The following RO60 variants were observed in gnomAD, a reference collection of about 807,000 sequenced individuals.
RO60 encodes Ro60, Y RNA binding protein.
Under a neutral mutation model 55.3 loss-of-function variants are expected in RO60, and 20 were observed. The ratio of observed to expected loss-of-function variants is 0.36; its 90% CI spans 0.25 to 0.53. RO60 has a LOEUF of 0.53. Ranked by LOEUF, RO60 falls within the 20% of genes least tolerant of loss-of-function variation. The pLI, the probability that RO60 is intolerant of heterozygous loss-of-function variation, is 0.92. For missense variants in RO60, 558 were observed against 646.6 expected, an observed-to-expected ratio of 0.86 and a Z score of 1.49; for synonymous variants, 213 against 213.6, an observed-to-expected ratio of 1.00 and a Z score of 0.02.
At position 193,085,582 on chromosome 1, in the gene RO60, G is replaced by GT. The variant is rs1207839034; in HGVS notation, c.*854dup. 1 of 984,150 alleles carries GT rather than the reference G, an allele frequency of 1.0e-6. No homozygotes were observed. The highest frequency in any genetic ancestry group is 1.2e-6 in the Non-Finnish European group (1 of 829,162). 61.0% of individuals were successfully genotyped at this position (984,150 alleles called of 1,614,324 possible). A position where few individuals can be genotyped will look rare whatever the true frequency, so the allele number is the denominator to read the frequency against. On this transcript the variant is annotated 3_prime_UTR_variant, in exon 9 of 9. Transcript: ENST00000400968. ...CTCTTAAGTGTAAATAATATAAAAT[G>GT]TTTCAAGCGCTTAACTCCCCCTCAT...
intron 1 of RO60, among the ~76,000 whole-genome samples, chr1:193,061,356 T>A (rs1407607583): frequency 6.6e-6 from 1 of 152,260 alleles, no homozygotes; most frequent in East Asian, 1.9e-4. Flanking sequence ...ACATTTGTCA[T>A]GCACTCTCAT....
intron 1 of RO60, among the ~76,000 whole-genome samples, chr1:193,063,721 C>T (rs1672934161): frequency 6.6e-6 from 1 of 152,156 alleles, no homozygotes; most frequent in Non-Finnish European, 1.5e-5. Flanking sequence ...GGACAAGGTC[C>T]CCACTAAGAA....
Position 193,076,002 on chromosome 1 carries a change from A to G in RO60, c.763A>G (p.Arg255Gly). ...IHLIEEHRLVREHLLTNHLKS... is the reference protein window; with the variant it reads ...IHLIEEHRLVGEHLLTNHLKS... ...TCTAATAGAAGAACATAGATTAGTT[A>G]GAGAACATCTTTTAACAAATCACTT... is the stretch of plus-strand genomic sequence containing the variant. Residue 255 changes from arginine to glycine, a missense_variant, in exon 3 of 9, where the codon AGA becomes GGA. Transcript: ENST00000400968. The G allele has an allele frequency of 1.2e-6, 2 of 1,611,394 alleles. No homozygotes were observed. The highest frequency in any genetic ancestry group is 8.5e-7 in the Non-Finnish European group (1 of 1,179,038).
At position 193,084,963 on chromosome 1, in the gene RO60, TC is replaced by T. The variant is rs1558255606; in HGVS notation, c.*233del. ...CTTCAGGATACTGTAGTTTCCTCTA[TC>T]TAATAGAGAACTTTTTGTTAACAGA... On this transcript the variant is annotated 3_prime_UTR_variant, in exon 9 of 9. Transcript: ENST00000400968. The T allele has an allele frequency of 2.6e-6, 4 of 1,544,754 alleles. No individual in the cohort carries two copies. The Admixed American group carries it at 8.0e-5, about 31-fold the overall frequency.
intron 5 of RO60, among the ~76,000 whole-genome samples, chr1:193,077,913 G>T (rs1674040559): frequency 6.6e-6 from 1 of 152,066 alleles, no homozygotes; most frequent in African/African-American, 2.4e-5. Flanking sequence ...CCATTAATTG[G>T]TAGATAGATC....
chr1:193,065,875 C>A (rs997904090), intron 1 of RO60, among the ~76,000 whole-genome samples: 1 of 152,046 alleles, frequency 6.6e-6, no homozygotes, highest in Non-Finnish European at 1.5e-5. Context: ...ACTAATATTC[C>A]GAACACAATT....
chr1:193,086,636 A>G lies in RO60; in HGVS notation c.*1905A>G, dbSNP rs1208027484. ...ATTTTATTCCTAATAGAAATGTTAAATAGAATATAGTACAAAAGTGCATTA... is the reference window on the plus strand; with the variant it reads ...ATTTTATTCCTAATAGAAATGTTAAGTAGAATATAGTACAAAAGTGCATTA... On this transcript the variant is annotated 3_prime_UTR_variant, in exon 9 of 9. Transcript: ENST00000400968. 1 of 148,344 alleles carries G rather than the reference A, an allele frequency of 6.7e-6. No individual in the cohort carries two copies. The highest frequency in any genetic ancestry group is 2.5e-5 in the African/African-American group (1 of 40,398). 9.2% of individuals were successfully genotyped at this position (148,344 alleles called of 1,614,324 possible).
intron 3 of RO60, 110 bp from the exon 4 acceptor site, chr1:193,076,391 C>A: frequency 1.7e-6 from 2 of 1,169,214 alleles, no homozygotes; most frequent in Non-Finnish European, 1.2e-6. Flanking sequence ...TACTTTGAAC[C>A]CCAAATGAAA....
At position 193,069,025 on chromosome 1, in the gene RO60, T is replaced by A. The variant is rs746540192; in HGVS notation, c.-21-9T>A. The A allele has an allele frequency of 2.5e-6, 4 of 1,576,898 alleles. No individual in the cohort carries two copies. The highest frequency in any genetic ancestry group is 2.6e-6 in the Non-Finnish European group (3 of 1,161,194). ...ATCTAGTTGTAATAACATTTTGCCT[T>A]TTTGTTAGGTTTCCTAAAGACAAAA... On this transcript the variant is annotated splice_polypyrimidine_tract_variant and intron_variant, in intron 1 of 8. Coordinates refer to ENST00000400968, the MANE Select transcript of RO60 (RefSeq NM_001173524.2).
At chr1:193,077,485 A>T (rs1674005008) in intron 5 of RO60, among the ~76,000 whole-genome samples, 1 of 152,202 alleles carries the variant, frequency 6.6e-6, no homozygotes, top group Non-Finnish European at 1.5e-5. Flanking sequence ...GTCCTTCTTC[A>T]CATGGCAGCA....
intron 1 of RO60, chr1:193,060,384 C>T (rs1672482920): frequency 4.1e-6 from 1 of 242,858 alleles, no homozygotes; most frequent in African/African-American, 2.3e-5. Context: ...ACTAAATTGC[C>T]CTCATTCAGC....
In RO60 at chr1:193,069,373, A is replaced by G; in HGVS notation, c.319A>G (p.Thr107Ala). ...AICSQCSDIS[T>A]KQAAFKAVSE... is the part of the protein sequence containing the mutation. ...TTGTTCCCAGTGCTCCGACATAAGC[A>G]CAAAACAAGCAGCATTTAAAGCTGT... The change falls in exon 2 of 9, where the codon ACA becomes GCA. Residue 107 changes from threonine to alanine, a missense_variant. Coordinates refer to ENST00000400968, the MANE Select transcript of RO60 (RefSeq NM_001173524.2). The G allele has an allele frequency of 6.2e-7, 1 of 1,614,172 alleles. No individual in the cohort carries two copies. Among genetic ancestry groups the G allele is most frequent in the Non-Finnish European group, 8.5e-7 (1 of 1,179,988 alleles).
chr1:193,088,162 C>CTTTTTTT lies in RO60; in HGVS notation c.*3456_*3462dup, dbSNP rs145943712. On this transcript the variant is annotated 3_prime_UTR_variant, in exon 9 of 9. Transcript: ENST00000400968. ...GGTGTGCACTGCACTACCACGCCTG[C>CTTTTTTT]TTTTTTTTTTTTTTTTTTTTTTTTT... The CTTTTTTT allele has an allele frequency of 1.4e-3, 61 of 44,394 alleles. 7 individuals are homozygous for CTTTTTTT. Among genetic ancestry groups the CTTTTTTT allele is most frequent in the African/African-American group, 5.8e-3 (51 of 8,736 alleles). The allele number at this position is 44,394 out of a possible 1,614,324, so 2.8% of individuals were successfully genotyped here.
chr1:193,088,895 C>T lies in RO60; in HGVS notation c.*4164C>T, dbSNP rs1242159395. The T allele has an allele frequency of 2.0e-5, 3 of 151,818 alleles. No homozygotes were observed. The highest frequency in any genetic ancestry group is 1.5e-5 in the Non-Finnish European group (1 of 67,926). 9.4% of individuals were successfully genotyped at this position (151,818 alleles called of 1,614,324 possible). Reference sequence around the variant, plus strand: ...CTTTTTTTTCTTTTAAAATTCCTTTCTTACATTTCTGTTGTTTCTTTTTCT... The same window carrying T: ...CTTTTTTTTCTTTTAAAATTCCTTTTTTACATTTCTGTTGTTTCTTTTTCT... On this transcript the variant is annotated 3_prime_UTR_variant, in exon 9 of 9. Coordinates refer to ENST00000400968, the MANE Select transcript of RO60 (RefSeq NM_001173524.2).
intron 8 of RO60, 139 bp from the exon 9 acceptor site, chr1:193,084,440 A>G (rs1158878279): frequency 1.0e-5 from 10 of 990,504 alleles, no homozygotes; most frequent in Non-Finnish European, 1.4e-5. Flanking sequence ...TTCTAGCCTT[A>G]AAAGATTGAC....
chr1:193,071,976 A>C (rs1456088891), intron 2 of RO60, among the ~76,000 whole-genome samples: 1 of 151,764 alleles, frequency 6.6e-6, no homozygotes, highest in Non-Finnish European at 1.5e-5. Context: ...TGTGATCACT[A>C]TTCATTCAAC....
chr1:193,079,048 C>T (rs931999831), intron 5 of RO60, among the ~76,000 whole-genome samples: 2 of 148,560 alleles, frequency 1.3e-5, no homozygotes, highest in East Asian at 3.9e-4. Context: ...ATAGAAAGTC[C>T]AGAGATAAAA....
At chr1:193,077,562 C>G (rs1674011345) in intron 5 of RO60, among the ~76,000 whole-genome samples, 2 of 152,144 alleles carry the variant, frequency 1.3e-5, no homozygotes, top group Non-Finnish European at 2.9e-5. Context: ...AGAACTCATT[C>G]ACTATCACAA....
At chr1:193,079,655 AAG>A (rs1674162637) in intron 5 of RO60, among the ~76,000 whole-genome samples, 1 of 152,200 alleles carries the variant, frequency 6.6e-6, no homozygotes, top group Non-Finnish European at 1.5e-5. Context: ...GGATACTATC[AAG>A]ACAGTTAAAA....
Sources: gnomAD v4.1 joint callset for allele counts (sites outside exome capture counted in the v4.1 genomes callset) on GRCh38, gnomAD v4.1.1 for gene constraint, MANE v1.5 for transcripts, NCBI Gene and HGNC (gene_info 2026-07-23, HGNC 2026-07-21) for gene names.